The following CDC5L variants were observed in gnomAD, a reference collection of about 807,000 sequenced individuals.
CDC5L encodes the protein cell division cycle 5-like protein.
Under a neutral mutation model 104.1 loss-of-function variants are expected in CDC5L, and 18 were observed. That is an observed-to-expected ratio of 0.17 (90% CI 0.12 to 0.26). The LOEUF is 0.26. Ranked by LOEUF, CDC5L falls within the 10% of genes least tolerant of loss-of-function variation. The pLI is 1.00. For synonymous variants in CDC5L, 331 were observed against 322.7 expected (o/e 1.03, Z -0.28); for missense variants, 673 against 956.9 (o/e 0.70, Z 3.91).
chr6:44,426,331 G>A (rs1337753848), intron 12 of CDC5L, 148 bp downstream of exon 12: 110 of 755,818 alleles, frequency 1.5e-4, no homozygotes, highest in Non-Finnish European at 1.5e-4. Flanking sequence ...TCTTTAAAAT[G>A]TTTCAGTAGT....
In CDC5L at chr6:44,419,440, G is replaced by C. The variant is rs1406582926; in HGVS notation, c.1093-9G>C. On this transcript the variant is annotated splice_polypyrimidine_tract_variant and intron_variant, in intron 8 of 15. Coordinates refer to ENST00000371477, the MANE Select transcript of CDC5L (RefSeq NM_001253.4). The stretch of plus-strand genomic sequence containing the variant: ...TTTAAACTTGCTTCTTTGTCTTCTT[G>C]TTAATCAGGAAGCCCAGAACCTCAT... The C allele has an allele frequency of 6.2e-7, 1 of 1,613,028 alleles. No homozygotes were observed. Among genetic ancestry groups the C allele is most frequent in the South Asian group, 1.1e-5 (1 of 90,862 alleles).
At chr6:44,441,886 A>AGTG in intron 14 of CDC5L, among the ~76,000 whole-genome samples, 1 of 144,352 alleles carries the variant, frequency 6.9e-6, no homozygotes, top group African/African-American at 2.6e-5. Flanking sequence ...CCAGGCCGGG[A>AGTG]GTGGTGGCTC....
chr6:44,409,940 GT>G (rs900449522), intron 8 of CDC5L, among the ~76,000 whole-genome samples: 3 of 148,882 alleles, frequency 2.0e-5, no homozygotes, highest in Admixed American at 6.7e-5. Flanking sequence ...TTTTTTTTTA[GT>G]TTTTTTTCAT....
chr6:44,419,095 T>C (rs1792036713), intron 8 of CDC5L, among the ~76,000 whole-genome samples: 1 of 152,060 alleles, frequency 6.6e-6, no homozygotes, highest in Non-Finnish European at 1.5e-5. Context: ...CTGAATGGTA[T>C]TGCCTAGGTT....
chr6:44,404,500 A>G (rs1042744459), intron 6 of CDC5L, among the ~76,000 whole-genome samples: 8 of 152,086 alleles, frequency 5.3e-5, no homozygotes, highest in Admixed American at 6.5e-5. Flanking sequence ...CATCTTTCTG[A>G]GAAAATCAGG....
chr6:44,411,646 G>GTGTGTGTGTGTGTA (rs1791645415), intron 8 of CDC5L, among the ~76,000 whole-genome samples: 2 of 151,142 alleles, frequency 1.3e-5, no homozygotes, highest in Admixed American at 6.6e-5. Context: ...GAGTGTGTGT[G>GTGTGTGTGTGTGTA]TGTGTGTGAC....
intron 4 of CDC5L, among the ~76,000 whole-genome samples, chr6:44,395,453 T>C (rs1264890768): frequency 6.6e-6 from 1 of 152,250 alleles, no homozygotes; most frequent in Non-Finnish European, 1.5e-5. Flanking sequence ...CTTAGACAAG[T>C]CATAAAATCT....
intron 7 of CDC5L, 27 bp downstream of exon 7, chr6:44,406,494 CTA>C (rs1333791013): frequency 6.3e-7 from 1 of 1,587,586 alleles, no homozygotes; most frequent in African/African-American, 1.4e-5. Context: ...AAATTTTTCA[CTA>C]TGTGAATTTA....
intron 14 of CDC5L, among the ~76,000 whole-genome samples, chr6:44,443,081 GTC>G (rs1561981745): frequency 6.7e-6 from 1 of 149,664 alleles, no homozygotes; most frequent in Non-Finnish European, 1.5e-5. Context: ...TCCTGTCCCT[GTC>G]TCTCTTTCTT....
chr6:44,387,999 C>CT, intron 1 of CDC5L, 131 bp downstream of exon 1: 2 of 757,676 alleles, frequency 2.6e-6, no homozygotes, highest in Non-Finnish European at 4.3e-6. Flanking sequence ...GGGGCTGACC[C>CT]TTGGGGCCCT....
intron 15 of CDC5L, 120 bp downstream of exon 15, chr6:44,445,987 A>G (rs958351096): frequency 2.6e-6 from 2 of 760,002 alleles, no homozygotes; most frequent in Non-Finnish European, 4.3e-6. Flanking sequence ...GCTTTTAAAA[A>G]TGAGAGCCTA....
At chr6:44,438,070 T>C (rs1793016081) in intron 14 of CDC5L, among the ~76,000 whole-genome samples, 1 of 152,156 alleles carries the variant, frequency 6.6e-6, no homozygotes, top group Non-Finnish European at 1.5e-5. Flanking sequence ...CGCCTCAGTC[T>C]CCCAAGTAGC....
rs754016940 is a variant in CDC5L at position 44,406,359 on chromosome 6, G to A, written c.795G>A (p.Gln265=). 3 of 1,606,892 alleles carry A rather than the reference G, an allele frequency of 1.9e-6. No homozygotes were observed. The highest frequency in any genetic ancestry group is 1.7e-6 in the Non-Finnish European group (2 of 1,174,528). The stretch of plus-strand genomic sequence containing the variant: ...GAAGAGATAGAAAAAAAGACAAACA[G>A]CATTTGAAAAGGAAAAAAGAATCTG... ...KEGRDRKKDK[Q]HLKRKKESDL... The change falls in exon 7 of 16, where the codon CAG becomes CAA. Residue 265 remains glutamine, a synonymous_variant. Coordinates refer to ENST00000371477, the MANE Select transcript of CDC5L (RefSeq NM_001253.4).
At chr6:44,407,183 T>C (rs1261704146) in intron 7 of CDC5L, among the ~76,000 whole-genome samples, 1 of 152,224 alleles carries the variant, frequency 6.6e-6, no homozygotes, top group African/African-American at 2.4e-5. Flanking sequence ...TGTTGTGTTA[T>C]GCTTTTCTTT....
At chr6:44,433,753 T>G (rs1241177761) in intron 14 of CDC5L, among the ~76,000 whole-genome samples, 5 of 152,200 alleles carry the variant, frequency 3.3e-5, no homozygotes, top group African/African-American at 4.8e-5. Context: ...AGTGTACTTG[T>G]AGCTCTTATG....
intron 8 of CDC5L, among the ~76,000 whole-genome samples, chr6:44,415,589 A>G (rs2153379749): frequency 6.6e-6 from 1 of 152,204 alleles, no homozygotes; most frequent in Admixed American, 6.5e-5. Flanking sequence ...TGGCAGGTAC[A>G]GTCGCTGCAG....
At position 44,450,061 on chromosome 6, in the gene CDC5L, G is replaced by C. The variant is rs891155000; in HGVS notation, c.*3350G>C. On this transcript the variant is annotated 3_prime_UTR_variant, in exon 16 of 16. Coordinates refer to ENST00000371477, the MANE Select transcript of CDC5L (RefSeq NM_001253.4). ...GTGTTTTTAGTAGAGATGGGGTTTT[G>C]CTATGTTGGCCAGGCTGGTCTTGAA... The C allele has an allele frequency of 6.6e-6, 1 of 151,936 alleles. No homozygotes were observed. Among genetic ancestry groups the C allele is most frequent in the African/African-American group, 2.4e-5 (1 of 41,372 alleles). 9.4% of individuals were successfully genotyped at this position (151,936 alleles called of 1,614,324 possible).
intron 14 of CDC5L, among the ~76,000 whole-genome samples, chr6:44,444,185 T>G (rs1196716219): frequency 1.3e-5 from 2 of 152,168 alleles, no homozygotes; most frequent in African/African-American, 4.8e-5. Flanking sequence ...AAGTGCTTGA[T>G]TCTTCCACTC....
At chr6:44,404,473 T>C (rs1791272418) in intron 6 of CDC5L, among the ~76,000 whole-genome samples, 2 of 152,212 alleles carry the variant, frequency 1.3e-5, no homozygotes, top group South Asian at 4.1e-4. Context: ...CATATGGTTT[T>C]ATTTATTTAA....
Sources: gnomAD v4.1 joint callset for allele counts (sites outside exome capture counted in the v4.1 genomes callset) on GRCh38, gnomAD v4.1.1 for gene constraint, MANE v1.5 for transcripts, NCBI Gene and HGNC (gene_info 2026-07-23, HGNC 2026-07-21) for gene names.